Variants in RLIG1 observed in about 807,000 individuals in gnomAD.
RLIG1 encodes the protein RNA 5'-phosphate and 3'-OH ligase 1.
At chr12:88,045,356 G>A in the RLIG1 span, 1 of 459,702 alleles carries the variant, frequency 2.2e-6, no homozygotes, top group South Asian at 2.6e-5. Context: ...AATGCTAGGT[G>A]CTGTGTAGTG....
the RLIG1 span, chr12:88,042,725 A>C: frequency 2.4e-5 from 16 of 666,284 alleles, no homozygotes; most frequent in East Asian, 3.6e-4. Context: ...GTCTTCTTTG[A>C]GAAATTAGCC....
At chr12:88,048,185 T>C in the RLIG1 span, 1 of 1,367,230 alleles carries the variant, frequency 7.3e-7, no homozygotes, top group South Asian at 1.9e-5. Flanking sequence ...TCTAAGTGAA[T>C]GAAGATAGTA....
chr12:88,043,677 A>G, the RLIG1 span: 1 of 1,613,080 alleles, frequency 6.2e-7, no homozygotes, highest in Non-Finnish European at 8.5e-7. Flanking sequence ...GAACAAATAA[A>G]TGGGAACCCA....
the RLIG1 span, chr12:88,043,601 T>G: frequency 1.3e-6 from 2 of 1,591,484 alleles, no homozygotes; most frequent in East Asian, 4.5e-5. Flanking sequence ...TTTTTTAGAA[T>G]TTTTTTGGAA....
At chr12:88,045,670 ACAT>A in the RLIG1 span, 2 of 1,613,002 alleles carry the variant, frequency 1.2e-6, no homozygotes, top group African/African-American at 2.7e-5. Flanking sequence ...TGGTACTAAA[ACAT>A]CATCCTGATG....
chr12:88,036,177 T>C, the RLIG1 span: 4 of 914,348 alleles, frequency 4.4e-6, no homozygotes, highest in African/African-American at 6.9e-5. Flanking sequence ...AGTGGCGGTG[T>C]TGACAGTAGC....
the RLIG1 span, chr12:88,044,428 T>G: frequency 1.3e-5 from 2 of 152,196 alleles, no homozygotes; most frequent in African/African-American, 4.8e-5. Flanking sequence ...TATCCCAGAT[T>G]AAGGTTATAG....
At chr12:88,035,931 T>C in the RLIG1 span, 2 of 1,518,158 alleles carry the variant, frequency 1.3e-6, no homozygotes, top group Non-Finnish European at 1.8e-6. Flanking sequence ...TGTACTTTTC[T>C]TAGTTGTGAG....
the RLIG1 span, chr12:88,035,592 T>G: frequency 6.5e-7 from 1 of 1,537,870 alleles, no homozygotes; most frequent in Non-Finnish European, 8.8e-7. Flanking sequence ...TCTCCGCGAC[T>G]GGACCGGGCG....
the RLIG1 span, among the ~76,000 whole-genome samples, chr12:88,039,817 C>T: frequency 6.6e-6 from 1 of 152,156 alleles, no homozygotes; most frequent in Admixed American, 6.6e-5. Flanking sequence ...GAAGACAATG[C>T]TTAATCTTAG....
chr12:88,035,804 G>A, the RLIG1 span: 23 of 1,548,792 alleles, frequency 1.5e-5, no homozygotes, highest in East Asian at 2.4e-5. Flanking sequence ...CTGGCTCAGT[G>A]CGAACCCGGC....
the RLIG1 span, chr12:88,048,475 T>C: frequency 1.1e-6 from 1 of 893,206 alleles, no homozygotes; most frequent in South Asian, 2.3e-5. Context: ...TATTCTACCA[T>C]ATTTAAAAAT....
At chr12:88,036,099 T>C in the RLIG1 span, 8 of 1,342,872 alleles carry the variant, frequency 6.0e-6, no homozygotes, top group South Asian at 9.8e-5. Context: ...CAAGCTTTAC[T>C]ACTTTTCAAG....
At chr12:88,049,756 T>TA in the RLIG1 span, 1 of 168,516 alleles carries the variant, frequency 5.9e-6, no homozygotes, top group Non-Finnish European at 1.3e-5. Flanking sequence ...ACATTGAAGT[T>TA]AGTCTGGTTA....
At chr12:88,048,617 T>C in the RLIG1 span, 81 of 394,030 alleles carry the variant, frequency 2.1e-4, no homozygotes, top group Non-Finnish European at 3.1e-4. Flanking sequence ...TCTCTAGCCA[T>C]AAAAACATAA....
the RLIG1 span, among the ~76,000 whole-genome samples, chr12:88,037,502 T>A: frequency 2.0e-5 from 3 of 152,208 alleles, no homozygotes; most frequent in East Asian, 5.8e-4. Flanking sequence ...TGGGGCAGAG[T>A]AATCTTCCCC....
At chr12:88,048,364 T>C in the RLIG1 span, 1 of 1,594,470 alleles carries the variant, frequency 6.3e-7, no homozygotes, top group Admixed American at 1.7e-5. Flanking sequence ...TTTAATCATT[T>C]TTTAAAAATA....
At chr12:88,036,019 A>T in the RLIG1 span, 4 of 1,481,112 alleles carry the variant, frequency 2.7e-6, no homozygotes, top group African/African-American at 5.6e-5. Flanking sequence ...ACTCACATCC[A>T]CAGCATGTCC....
the RLIG1 span, among the ~76,000 whole-genome samples, chr12:88,037,016 A>G: frequency 6.6e-6 from 1 of 152,226 alleles, no homozygotes; most frequent in African/African-American, 2.4e-5. Context: ...AACAGCTTAC[A>G]GTATCGTTTA....
Sources: allele counts gnomAD v4.1 joint callset (sites outside exome capture counted in the v4.1 genomes callset), GRCh38; gene constraint gnomAD v4.1.1; transcripts MANE v1.5; gene names NCBI Gene and HGNC (gene_info 2026-07-23, HGNC 2026-07-21).